GALNT17: variants seen among roughly 807,000 people sequenced by gnomAD.
GALNT17 encodes the protein polypeptide N-acetylgalactosaminyltransferase 17.
Under a neutral mutation model 63.7 loss-of-function variants are expected in GALNT17, and 29 were observed. The ratio of observed to expected loss-of-function variants is 0.46; its 90% CI spans 0.34 to 0.62. The LOEUF is 0.62. Among genes scored for constraint, GALNT17 ranks in the 20% least tolerant of loss-of-function variants. The pLI is 0.01. For synonymous variants in GALNT17, 305 were observed against 318.3 expected, an observed-to-expected ratio of 0.96 and a Z score of 0.45; for missense variants, 603 against 799.6, an observed-to-expected ratio of 0.75 and a Z score of 2.97.
intron 1 of GALNT17, among the ~76,000 whole-genome samples, chr7:71,154,392 G>A (rs1431228735): frequency 6.6e-6 from 1 of 152,112 alleles, no homozygotes; most frequent in Non-Finnish European, 1.5e-5. Context: ...CCCAAGCCTC[G>A]CTCAAATCGC....
intron 5 of GALNT17, among the ~76,000 whole-genome samples, chr7:71,478,467 C>T (rs11978534): frequency 0.021 from 3,226 of 152,196 alleles, 55 homozygotes; most frequent in African/African-American, 0.035. Context: ...GCGTGCCCCA[C>T]CATGCCCGGC....
intron 1 of GALNT17, among the ~76,000 whole-genome samples, chr7:71,143,776 A>G (rs936152418): frequency 2.0e-5 from 3 of 152,074 alleles, no homozygotes; most frequent in Admixed American, 6.6e-5. Context: ...ACGGTGGCTC[A>G]CGCCTGTAAT....
At chr7:71,259,684 C>G (rs944062656) in intron 1 of GALNT17, among the ~76,000 whole-genome samples, 6 of 144,016 alleles carry the variant, frequency 4.2e-5, no homozygotes, top group Non-Finnish European at 7.5e-5. Context: ...CTCTGTCACT[C>G]AGGCTGGAGT....
chr7:71,373,003 G>A lies in GALNT17; in HGVS notation c.423-15232G>A, dbSNP rs190773705. 4.8e-4 allele frequency among the ~76,000 whole-genome samples: 73 copies of A among 152,302 alleles called. 1 individual carries two copies. Among genetic ancestry groups the A allele is most frequent in the South Asian group, 2.9e-3 (14 of 4,820 alleles). On this transcript the variant is annotated intron_variant, in intron 2 of 10. Coordinates refer to ENST00000333538, the MANE Select transcript of GALNT17 (RefSeq NM_022479.3). ...GGAGCTTTTAGTATCAACACAGTTT[G>A]ATAACATGCTTCTTTATGCATTGCG... is the stretch of plus-strand genomic sequence containing the variant.
At chr7:71,578,040 T>C (rs920603778) in intron 6 of GALNT17, among the ~76,000 whole-genome samples, 18 of 151,248 alleles carry the variant, frequency 1.2e-4, no homozygotes, top group Non-Finnish European at 2.4e-4. Flanking sequence ...TTTATTTATT[T>C]ATTTATTTAT....
chr7:71,230,724 T>A (rs1789772524), intron 1 of GALNT17, among the ~76,000 whole-genome samples: 1 of 151,828 alleles, frequency 6.6e-6, no homozygotes, highest in South Asian at 2.1e-4. Context: ...GCCCGGGAGG[T>A]TAGGAGGGCA....
intron 1 of GALNT17, among the ~76,000 whole-genome samples, chr7:71,332,367 G>A (rs142869274): frequency 6.6e-6 from 1 of 152,100 alleles, no homozygotes; most frequent in Non-Finnish European, 1.5e-5. Context: ...TTTCTCAAGA[G>A]AACCCAAAAT....
At chr7:71,500,770 C>T (rs1788167876) in intron 5 of GALNT17, among the ~76,000 whole-genome samples, 1 of 152,102 alleles carries the variant, frequency 6.6e-6, no homozygotes, top group African/African-American at 2.4e-5. Flanking sequence ...GGGCTCTGAT[C>T]ACCAACCCCA....
chr7:71,370,965 T>A (rs1373263529), intron 2 of GALNT17, among the ~76,000 whole-genome samples: 1 of 152,234 alleles, frequency 6.6e-6, no homozygotes, highest in Non-Finnish European at 1.5e-5. Context: ...AGACAGAAGT[T>A]GGAGGTCCCC....
intron 8 of GALNT17, among the ~76,000 whole-genome samples, chr7:71,676,169 G>C (rs1251652179): frequency 6.6e-6 from 1 of 152,116 alleles, no homozygotes; most frequent in African/African-American, 2.4e-5. Context: ...AGTGCACCCA[G>C]AGATCCAAAT....
chr7:71,237,108 C>T (rs988671473), intron 1 of GALNT17, among the ~76,000 whole-genome samples: 2 of 152,146 alleles, frequency 1.3e-5, no homozygotes, highest in Admixed American at 6.6e-5. Context: ...TCAAAAACCA[C>T]GGGAGTGGAA....
chr7:71,468,851 C>T (rs1026514062), intron 5 of GALNT17, among the ~76,000 whole-genome samples: 3 of 151,950 alleles, frequency 2.0e-5, no homozygotes, highest in Non-Finnish European at 2.9e-5. Context: ...TTCATTCATT[C>T]ATCTATTTGC....
chr7:71,542,422 G>A (rs1211297519), intron 5 of GALNT17, among the ~76,000 whole-genome samples: 2 of 151,916 alleles, frequency 1.3e-5, no homozygotes, highest in Admixed American at 1.3e-4. Context: ...AAAAGATAAT[G>A]ATAATCGCTG....
chr7:71,285,808 A>G (rs1790863132), intron 1 of GALNT17, among the ~76,000 whole-genome samples: 1 of 152,212 alleles, frequency 6.6e-6, no homozygotes, highest in Non-Finnish European at 1.5e-5. Context: ...CAAGAAATAA[A>G]TGTTTGTGGT....
chr7:71,428,328 A>T (rs73363781), intron 5 of GALNT17, among the ~76,000 whole-genome samples: 5,876 of 152,194 alleles, frequency 0.039, 194 homozygotes, highest in African/African-American at 0.087. Flanking sequence ...GACATTTCAT[A>T]TAAGTGGAGT....
At chr7:71,298,052 A>G (rs959471629) in intron 1 of GALNT17, among the ~76,000 whole-genome samples, 3 of 152,230 alleles carry the variant, frequency 2.0e-5, no homozygotes, top group Middle Eastern at 3.4e-3. Context: ...ATGGAGACTC[A>G]CTCTGTTACT....
chr7:71,598,088 C>T lies in GALNT17; in HGVS notation c.1080+26686C>T, dbSNP rs187329145. On this transcript the variant is annotated intron_variant, in intron 6 of 10. Coordinates refer to ENST00000333538, the MANE Select transcript of GALNT17 (RefSeq NM_022479.3). Reference sequence around the variant, plus strand: ...CCTTCCGAGTAGCTGGGACTACAGGCGCACGCCACCATGCCCGGCTAATTT... The same window carrying T: ...CCTTCCGAGTAGCTGGGACTACAGGTGCACGCCACCATGCCCGGCTAATTT... Among the ~76,000 whole-genome samples, 800 of 152,100 alleles carry T rather than the reference C, an allele frequency of 5.3e-3. 6 individuals carry two copies. Among genetic ancestry groups the T allele is most frequent in the African/African-American group, 0.018 (740 of 41,504 alleles).
intron 1 of GALNT17, among the ~76,000 whole-genome samples, chr7:71,228,024 C>T (rs1789713677): frequency 6.6e-6 from 1 of 152,102 alleles, no homozygotes; most frequent in African/African-American, 2.4e-5. Context: ...GAGACAGTGG[C>T]CTGAGAGGAC....
At chr7:71,280,856 T>A (rs1161284500) in intron 1 of GALNT17, among the ~76,000 whole-genome samples, 1 of 152,146 alleles carries the variant, frequency 6.6e-6, no homozygotes, top group Admixed American at 6.5e-5. Context: ...ACTGGGCTGG[T>A]CTGCATCACA....
Sources: allele counts gnomAD v4.1 joint callset (sites outside exome capture counted in the v4.1 genomes callset), GRCh38; gene constraint gnomAD v4.1.1; transcripts MANE v1.5; gene names NCBI Gene and HGNC (gene_info 2026-07-23, HGNC 2026-07-21).